Variants in SULF2 observed in about 807,000 individuals in gnomAD.
The protein encoded by SULF2 is extracellular sulfatase Sulf-2.
Under a neutral mutation model 107.7 loss-of-function variants are expected in SULF2, and 52 were observed. The observed-to-expected ratio is 0.48, with a 90% CI of 0.39 to 0.61. The LOEUF is 0.61. SULF2 is among the 20% of genes least tolerant of loss of function. The probability of loss-of-function intolerance (pLI) is 0.00; values close to 1 mark genes in which losing one functional copy is unlikely to be tolerated. For missense variants in SULF2, 993 were observed against 1,177.3 expected, an observed-to-expected ratio of 0.84 and a Z score of 2.29; for synonymous variants, 460 against 464.3, an observed-to-expected ratio of 0.99 and a Z score of 0.12.
chr20:47,720,067 G>C (rs1342234300), intron 3 of SULF2, among the ~76,000 whole-genome samples: 1 of 152,066 alleles, frequency 6.6e-6, no homozygotes, highest in Non-Finnish European at 1.5e-5. Flanking sequence ...TCCCACCTCA[G>C]CCTCCCGAGT....
At chr20:47,701,983 G>A (rs935566664) in intron 4 of SULF2, among the ~76,000 whole-genome samples, 1 of 152,180 alleles carries the variant, frequency 6.6e-6, no homozygotes, top group Non-Finnish European at 1.5e-5. Flanking sequence ...CTTTCTGTAA[G>A]AATATTCTGT....
At chr20:47,658,702 C>T (rs1042203116) in intron 20 of SULF2, among the ~76,000 whole-genome samples, 1 of 152,140 alleles carries the variant, frequency 6.6e-6, no homozygotes, top group African/African-American at 2.4e-5. Flanking sequence ...TTACTAATGT[C>T]CTATTAAAGC....
chr20:47,682,896 G>A, intron 7 of SULF2, 98 bp downstream of exon 7: 1 of 1,256,048 alleles, frequency 8.0e-7, no homozygotes, highest in Non-Finnish European at 1.1e-6. Flanking sequence ...TGCGAAAACT[G>A]TGTGCCACCC....
In SULF2 at chr20:47,757,378, G is replaced by A. The variant is rs1263035830; in HGVS notation, c.-15C>T. On this transcript the variant is annotated 5_prime_UTR_variant, in exon 2 of 21. Transcript: ENST00000688720. ...GGGGGGCCCATCTTCTTTTTTTGCT[G>A]ATCTGGTGCTTCTTTTGGGATGCGG... 6.4e-7 allele frequency: 1 copy of A among 1,568,224 alleles called. No homozygotes were observed. Among genetic ancestry groups the A allele is most frequent in the Non-Finnish European group, 8.7e-7 (1 of 1,152,308 alleles).
chr20:47,743,984 C>T (rs940046609), intron 2 of SULF2, among the ~76,000 whole-genome samples: 4 of 152,198 alleles, frequency 2.6e-5, no homozygotes, highest in African/African-American at 9.7e-5. Flanking sequence ...ATGCCCTCCC[C>T]TTCCTTCTTG....
intron 4 of SULF2, among the ~76,000 whole-genome samples, chr20:47,698,831 A>T (rs1157166428): frequency 1.3e-5 from 2 of 152,152 alleles, no homozygotes; most frequent in Non-Finnish European, 2.9e-5. Context: ...TGGGAGTTCG[A>T]GACCAGCCTG....
At chr20:47,663,686 C>T in intron 15 of SULF2, 64 bp from the exon 16 acceptor site, 1 of 1,492,266 alleles carries the variant, frequency 6.7e-7, no homozygotes, top group South Asian at 1.3e-5. Flanking sequence ...CATGTCTCTG[C>T]TCTTCCTGTC....
intron 3 of SULF2, among the ~76,000 whole-genome samples, chr20:47,708,170 G>A (rs1366786697): frequency 6.6e-6 from 1 of 152,210 alleles, no homozygotes; most frequent in Non-Finnish European, 1.5e-5. Context: ...AGTGGGGAAT[G>A]ATGACAAATG....
chr20:47,690,445 A>T (rs1279478574), intron 4 of SULF2, 150 bp from the exon 5 acceptor site: 1 of 489,802 alleles, frequency 2.0e-6, no homozygotes, highest in Non-Finnish European at 3.3e-6. Flanking sequence ...TAGGGAGCAG[A>T]CAGACAAGAA....
rs1171343360 is a variant in SULF2, at chr20:47,666,439, G to A, written c.1626C>T (p.Ile542=). ...CGTGGTACACCCTGCCGTCCACCTC[G>A]ATGGCCACTGAGCGGATGGAGCGAC... ...VRSRSIRSVA[I]EVDGRVYHVG... is the part of the protein sequence containing the mutation. The change falls in exon 12 of 21, where the codon ATC becomes ATT. Residue 542 remains isoleucine (I), a synonymous_variant. Coordinates refer to ENST00000688720, the MANE Select transcript of SULF2 (RefSeq NM_001387048.1). The surrounding 1 kb of genome is among the most constrained non-coding windows in gnomAD (Gnocchi z 5.4). 1.1e-5 allele frequency: 18 copies of A among 1,613,662 alleles called. No homozygotes were observed. Among genetic ancestry groups the A allele is most frequent in the Admixed American group, 1.7e-5 (1 of 60,010 alleles).
chr20:47,685,442 G>A (rs2087966369), intron 5 of SULF2: 1 of 152,230 alleles, frequency 6.6e-6, no homozygotes, highest in African/African-American at 2.4e-5. Context: ...AGCCAGGATG[G>A]TCTCGATCTC....
At chr20:47,745,977 G>A (rs752352319) in intron 2 of SULF2, among the ~76,000 whole-genome samples, 6 of 152,186 alleles carry the variant, frequency 3.9e-5, no homozygotes, top group Admixed American at 1.3e-4. Context: ...CTTTAATTGC[G>A]AGATTTCACA....
chr20:47,702,865 G>A (rs1360418142), intron 3 of SULF2, among the ~76,000 whole-genome samples, 195 bp from the exon 4 acceptor site: 2 of 152,200 alleles, frequency 1.3e-5, no homozygotes, highest in African/African-American at 4.8e-5. Flanking sequence ...AAAATCAATT[G>A]TTTGGAAATA....
chr20:47,683,770 G>A (rs2087906558), intron 6 of SULF2, among the ~76,000 whole-genome samples: 1 of 152,240 alleles, frequency 6.6e-6, no homozygotes, highest in Non-Finnish European at 1.5e-5. Context: ...TAAATAAAAT[G>A]TGACAATACC....
At chr20:47,705,717 A>G (rs1272660702) in intron 3 of SULF2, among the ~76,000 whole-genome samples, 2 of 152,048 alleles carry the variant, frequency 1.3e-5, no homozygotes, top group African/African-American at 4.8e-5. Context: ...ATATTCGCCG[A>G]CGCACGTGAC....
intron 18 of SULF2, 126 bp from the exon 19 acceptor site, chr20:47,659,856 C>CA: frequency 1.4e-6 from 1 of 715,278 alleles, no homozygotes; most frequent in East Asian, 2.6e-5. Context: ...GTTCCCTACT[C>CA]AGAGTAGACT....
intron 1 of SULF2, among the ~76,000 whole-genome samples, chr20:47,770,459 G>A (rs952919309): frequency 5.3e-5 from 8 of 152,168 alleles, no homozygotes; most frequent in African/African-American, 1.9e-4. Context: ...GACTAGGTGG[G>A]AGCAAAGAAG....
intron 3 of SULF2, among the ~76,000 whole-genome samples, chr20:47,725,598 C>A (rs545543965): frequency 1.7e-3 from 254 of 152,336 alleles, no homozygotes; most frequent in African/African-American, 6.0e-3. Flanking sequence ...GTTTGCAAGC[C>A]GGTGGCCTGC....
rs2090911245 is a variant in SULF2 at position 47,785,445 on chromosome 20, TGCC to T, written c.-206_-204del. On this transcript the variant is annotated 5_prime_UTR_variant, in exon 1 of 21. Coordinates refer to ENST00000688720, the MANE Select transcript of SULF2 (RefSeq NM_001387048.1). ...GGCGCAGGGGACTCCGCGCCGCCGC[TGCC>T]GCTGCCGCCGCCGCCGCCGCCGCTG... The T allele has an allele frequency of 6.8e-6, 1 of 147,502 alleles. No individual in the cohort carries two copies. 9.1% of individuals were successfully genotyped at this position (147,502 alleles called of 1,614,324 possible). A position where few individuals can be genotyped will look rare whatever the true frequency, so the allele number is the denominator to read the frequency against.
Sources: allele counts gnomAD v4.1 joint callset (sites outside exome capture counted in the v4.1 genomes callset), GRCh38; gene constraint gnomAD v4.1.1; non-coding constraint Gnocchi (gnomAD v3.1); transcripts MANE v1.5; gene names NCBI Gene and HGNC (gene_info 2026-07-23, HGNC 2026-07-21).